The following TP53BP1 variants were observed in gnomAD, a reference collection of about 807,000 sequenced individuals.
The protein encoded by TP53BP1 is tumor protein p53 binding protein 1.
In TP53BP1, 61 loss-of-function variants were observed where a neutral mutation model predicts 200.8. That is an observed-to-expected ratio of 0.30 (90% CI 0.25 to 0.38). The LOEUF (loss-of-function observed/expected upper bound fraction) is 0.38. Ranked by LOEUF, TP53BP1 falls within the 10% of genes least tolerant of loss-of-function variation. TP53BP1 has a pLI of 1.00. For missense variants in TP53BP1, 2,144 were observed against 2,371.9 expected, an observed-to-expected ratio of 0.90 and a Z score of 2.00; for synonymous variants, 822 against 844.3, an observed-to-expected ratio of 0.97 and a Z score of 0.46.
Position 43,479,410 on chromosome 15 carries a change from G to A in TP53BP1, c.775C>T (p.Pro259Ser). 2 of 1,604,656 alleles carry A rather than the reference G, an allele frequency of 1.2e-6. No individual in the cohort carries two copies. The highest frequency in any genetic ancestry group is 1.7e-6 in the Non-Finnish European group (2 of 1,176,264). Residue 259 changes from proline (P) to serine (S), a missense_variant, in exon 7 of 28, where the codon CCA (proline) becomes TCA (serine). By Grantham distance (74) the Pro-to-Ser change is moderately conservative. Around this residue, in one of 4 missense-constraint regions of TP53BP1, gnomAD observed 1,700 missense variants for 1,710.3 expected, o/e 0.99. Coordinates refer to ENST00000382044, the MANE Select transcript of TP53BP1 (RefSeq NM_001141980.3). ...KDVHVVKEQNPPPARSEDMPF... is the reference protein window; with the variant it reads ...KDVHVVKEQNSPPARSEDMPF... Reference sequence around the variant, plus strand: ...AGTTCGGCTTACCTTGCAGGTGGTGGATTTTGCTCTTTTACAACATGTACA... The same window carrying A: ...AGTTCGGCTTACCTTGCAGGTGGTGAATTTTGCTCTTTTACAACATGTACA...
chr15:43,435,065 T>G (rs1239493489), intron 16 of TP53BP1, among the ~76,000 whole-genome samples: 1 of 151,860 alleles, frequency 6.6e-6, no homozygotes, highest in African/African-American at 2.4e-5. Context: ...GTTCGAGACC[T>G]GCCTGGCCAA....
chr15:43,434,567 C>T (rs913108792), intron 16 of TP53BP1, among the ~76,000 whole-genome samples: 1 of 152,168 alleles, frequency 6.6e-6, no homozygotes, highest in Non-Finnish European at 1.5e-5. Context: ...AGGCAGAGCC[C>T]TCATGAATAG....
chr15:43,491,481 T>C (rs991917420), intron 4 of TP53BP1, among the ~76,000 whole-genome samples, 188 bp downstream of exon 4: 2 of 152,194 alleles, frequency 1.3e-5, no homozygotes, highest in Non-Finnish European at 2.9e-5. Context: ...GTATAAAAAT[T>C]ATTACCTTCA....
At chr15:43,483,436 A>T (rs748041519) in intron 4 of TP53BP1, among the ~76,000 whole-genome samples, 8 of 152,172 alleles carry the variant, frequency 5.3e-5, no homozygotes, top group Non-Finnish European at 7.3e-5. Context: ...CAACCATATA[A>T]ATCAAATGAA....
intron 11 of TP53BP1, among the ~76,000 whole-genome samples, chr15:43,459,514 T>C (rs1212115736): frequency 6.6e-6 from 1 of 152,094 alleles, no homozygotes; most frequent in Non-Finnish European, 1.5e-5. Flanking sequence ...AAATTGTGGA[T>C]ACACATATTA....
At chr15:43,453,138 G>A (rs2046210982) in intron 12 of TP53BP1, among the ~76,000 whole-genome samples, 1 of 141,984 alleles carries the variant, frequency 7.0e-6, no homozygotes, top group Non-Finnish European at 1.5e-5. Flanking sequence ...AGCTTGCAGT[G>A]AGCCGGGATA....
At chr15:43,415,330 T>A in intron 23 of TP53BP1, 1 of 480,974 alleles carries the variant, frequency 2.1e-6, no homozygotes, top group Non-Finnish European at 3.9e-6. Flanking sequence ...CACCTCAGCC[T>A]CCCCAGTAGC....
Position 43,421,157 on chromosome 15 carries a change from C to T in TP53BP1, c.4118G>A (p.Ser1373Asn). The change falls in exon 20 of 28, where the codon AGT becomes AAT. Residue 1373 changes from serine to asparagine, a missense_variant. Coordinates refer to ENST00000382044, the MANE Select transcript of TP53BP1 (RefSeq NM_001141980.3). Reference sequence around the variant, plus strand: ...CTCACACACTGGCGTCCCTGTCTGACTGACCCCTTTTCTAGGACTAGAGAA... The same window carrying T: ...CTCACACACTGGCGTCCCTGTCTGATTGACCCCTTTTCTAGGACTAGAGAA... ...PGKLSPRKGV[S>N]QTGTPVCEED... 1.2e-6 allele frequency: 2 copies of T among 1,614,168 alleles called. No homozygotes were observed. Among genetic ancestry groups the T allele is most frequent in the South Asian group, 1.1e-5 (1 of 91,074 alleles).
In TP53BP1 at chr15:43,421,625, C is replaced by T. The variant is rs1365819186; in HGVS notation, c.4100+230G>A. On this transcript the variant is annotated intron_variant, in intron 19 of 27. Transcript: ENST00000382044. ...TCCCGAAAGTCCCCTCCCCTGTTAC[C>T]TACATTTTCTCAGGGGCTGCTTTGC... The T allele has an allele frequency of 1.1e-5, 7 of 611,282 alleles. No homozygotes were observed. In the East Asian group the frequency reaches 2.0e-4, roughly 17 times the overall value. 37.9% of individuals were successfully genotyped at this position (611,282 alleles called of 1,614,324 possible).
intron 11 of TP53BP1, among the ~76,000 whole-genome samples, chr15:43,458,799 A>T (rs1232682960): frequency 1.3e-5 from 2 of 151,836 alleles, no homozygotes; most frequent in Admixed American, 6.6e-5. Flanking sequence ...AAGACAAAAA[A>T]AAAAAGGTTC....
chr15:43,445,942 C>A (rs978930880), intron 14 of TP53BP1, among the ~76,000 whole-genome samples: 8 of 152,210 alleles, frequency 5.3e-5, no homozygotes, highest in Admixed American at 4.6e-4. Context: ...CATATTACTC[C>A]CTTGCCTAAA....
intron 18 of TP53BP1, among the ~76,000 whole-genome samples, chr15:43,422,772 C>G (rs689835): frequency 6.6e-6 from 1 of 151,690 alleles, no homozygotes; most frequent in Non-Finnish European, 1.5e-5. Flanking sequence ...GGCAGAAGGA[C>G]TGCTTGAGTC....
intron 10 of TP53BP1, among the ~76,000 whole-genome samples, chr15:43,472,208 T>C (rs754186647): frequency 2.0e-5 from 3 of 152,148 alleles, no homozygotes; most frequent in Non-Finnish European, 4.4e-5. Context: ...ATCTGTAAAA[T>C]GGGGATAAAA....
chr15:43,446,596 A>G lies in TP53BP1; in HGVS notation c.2837-6T>C, dbSNP rs2046047322. The G allele has an allele frequency of 1.2e-6, 2 of 1,610,550 alleles. No individual in the cohort carries two copies. The highest frequency in any genetic ancestry group is 8.5e-7 in the Non-Finnish European group (1 of 1,177,722). ...TTCTGGATAGTTGCTAATACCTGAA[A>G]GAAGTGAGGCAGGGAGGAAGAAAAA... is the stretch of plus-strand genomic sequence containing the variant. On this transcript the variant is annotated splice_polypyrimidine_tract_variant and splice_region_variant and intron_variant, in intron 13 of 27. Coordinates refer to ENST00000382044, the MANE Select transcript of TP53BP1 (RefSeq NM_001141980.3).
intron 16 of TP53BP1, among the ~76,000 whole-genome samples, chr15:43,437,904 G>C (rs141472776): frequency 6.6e-6 from 1 of 152,224 alleles, no homozygotes. Flanking sequence ...TCATGGTTCT[G>C]AATGCTGAAA....
intron 1 of TP53BP1, among the ~76,000 whole-genome samples, chr15:43,504,812 G>C (rs1425947159): frequency 1.3e-5 from 2 of 152,134 alleles, no homozygotes; most frequent in Non-Finnish European, 2.9e-5. Flanking sequence ...CTGAGGTCAG[G>C]AGTTCAAGAC....
intron 23 of TP53BP1, chr15:43,415,247 G>A (rs950474770): frequency 3.6e-5 from 6 of 165,440 alleles, no homozygotes; most frequent in South Asian, 9.6e-5. Context: ...CACTCTTGTT[G>A]CCCAGGCTGG....
In TP53BP1 at chr15:43,407,509, C is replaced by G. The variant is rs1200447833; in HGVS notation, c.5808G>C (p.Leu1936=). Residue 1936 remains leucine, a synonymous_variant, in exon 28 of 28, where the codon CTG becomes CTC. Coordinates refer to ENST00000382044, the MANE Select transcript of TP53BP1 (RefSeq NM_001141980.3). ...VTDPSCPASV[L]KCAEALQLPV... is the part of the protein sequence containing the mutation. ...GCAGCTGCAATGCTTCAGCACACTTCAGCACCGAGGCTGGGCATGAGGGGT... is the reference window on the plus strand; with the variant it reads ...GCAGCTGCAATGCTTCAGCACACTTGAGCACCGAGGCTGGGCATGAGGGGT... 6.2e-7 allele frequency: 1 copy of G among 1,614,234 alleles called. No individual in the cohort carries two copies. The highest frequency in any genetic ancestry group is 2.2e-5 in the East Asian group (1 of 44,878).
intron 11 of TP53BP1, among the ~76,000 whole-genome samples, chr15:43,458,301 G>A (rs568488571): frequency 3.9e-5 from 6 of 151,926 alleles, no homozygotes; most frequent in African/African-American, 9.7e-5. Context: ...GCATGGTGGC[G>A]TGCACCTGTA....
Sources: allele counts gnomAD v4.1 joint callset (sites outside exome capture counted in the v4.1 genomes callset), GRCh38; gene constraint gnomAD v4.1.1; regional missense constraint gnomAD v4.1.1; transcripts MANE v1.5; gene names NCBI Gene and HGNC (gene_info 2026-07-23, HGNC 2026-07-21).